CCDC61: variants seen among roughly 807,000 people sequenced by gnomAD.
CCDC61 encodes the protein centrosomal protein CCDC61.
In CCDC61, 55 loss-of-function variants were observed where a neutral mutation model predicts 63.0. The observed-to-expected ratio is 0.87, with a 90% CI of 0.70 to 1.09. The LOEUF (loss-of-function observed/expected upper bound fraction) is 1.09, where lower values mean the gene tolerates loss of function less well. Ranked by LOEUF, CCDC61 falls within the 50% of genes least tolerant of loss-of-function variation. CCDC61 has a pLI of 0.00. For missense variants in CCDC61, 651 were observed against 731.4 expected (o/e 0.89, Z 1.27); for synonymous variants, 270 against 317.0 (o/e 0.85, Z 1.58).
intron 3 of CCDC61, 34 bp from the exon 4 acceptor site, chr19:46,006,525 T>C (rs771571048): frequency 2.1e-6 from 3 of 1,446,890 alleles, no homozygotes; most frequent in African/African-American, 2.8e-5. Flanking sequence ...CAGTGGCGGG[T>C]GCTGTGGCAG....
At chr19:46,010,661 TAAG>T (rs921153425) in intron 5 of CCDC61, among the ~76,000 whole-genome samples, 17 of 152,324 alleles carry the variant, frequency 1.1e-4, no homozygotes, top group African/African-American at 4.1e-4. Context: ...CCACGGATTT[TAAG>T]AAGGATTTAT....
intron 5 of CCDC61, among the ~76,000 whole-genome samples, chr19:46,014,491 A>T (rs1316630231): frequency 6.6e-6 from 1 of 152,220 alleles, no homozygotes; most frequent in Non-Finnish European, 1.5e-5. Context: ...GAGTAGATGT[A>T]TTAGAAATTC....
intron 3 of CCDC61, 57 bp downstream of exon 3, chr19:46,003,558 G>A (rs1296455804): frequency 7.6e-7 from 1 of 1,312,532 alleles, no homozygotes; most frequent in African/African-American, 1.5e-5. Flanking sequence ...CCAGGTTCCA[G>A]GGGGGTTGAT....
At chr19:46,009,767 G>A (rs1055666273) in intron 5 of CCDC61, among the ~76,000 whole-genome samples, 1 of 152,142 alleles carries the variant, frequency 6.6e-6, no homozygotes, top group African/African-American at 2.4e-5. Context: ...CCGCAGTGGG[G>A]AGGCCAAAAT....
intron 12 of CCDC61, among the ~76,000 whole-genome samples, chr19:46,017,623 C>G (rs539570627): frequency 6.6e-6 from 1 of 152,228 alleles, no homozygotes; most frequent in Admixed American, 6.5e-5. Flanking sequence ...TGGTCTGGAA[C>G]TCCTGGCCTC....
At chr19:46,002,964 G>A in intron 1 of CCDC61, 44 bp from the exon 2 acceptor site, 2 of 1,546,172 alleles carry the variant, frequency 1.3e-6, no homozygotes, top group Non-Finnish European at 8.8e-7. Context: ...TCATGAGCCT[G>A]GGCTCTGAGC....
intron 3 of CCDC61, among the ~76,000 whole-genome samples, chr19:46,003,820 CGTGTGTGTGTGTGTGTGTGTGTGT>C (rs55945123): frequency 3.5e-5 from 5 of 143,906 alleles, no homozygotes; most frequent in Admixed American, 2.1e-4. Flanking sequence ...TTTCCAAATA[CGTGTGTGTGTGTGTGTGTGTGTGT>C]GTGTGTGTGT....
At chr19:45,999,799 A>G (rs548717186) in intron 1 of CCDC61, among the ~76,000 whole-genome samples, 196 of 152,204 alleles carry the variant, frequency 1.3e-3, no homozygotes, top group African/African-American at 4.5e-3. Context: ...TGCCAGCGCC[A>G]TGATGTCATG....
intron 5 of CCDC61, among the ~76,000 whole-genome samples, chr19:46,010,620 A>G (rs1968810338): frequency 1.3e-5 from 2 of 152,254 alleles, no homozygotes; most frequent in African/African-American, 2.4e-5. Flanking sequence ...CTGAATAGAA[A>G]GGAAAGCTCC....
At chr19:46,009,049 T>A (rs1968773617) in intron 5 of CCDC61, among the ~76,000 whole-genome samples, 1 of 152,080 alleles carries the variant, frequency 6.6e-6, no homozygotes, top group African/African-American at 2.4e-5. Flanking sequence ...CTTGAGTATA[T>A]CATTACAGAT....
At position 46,017,290 on chromosome 19, in the gene CCDC61, A is replaced by G; in HGVS notation, c.1354A>G (p.Ser452Gly). ...RGKPPSPTPW[S>G]GSNMKSPPVE... ...GAAGCCTCCCAGCCCAACGCCCTGG[A>G]GTGGGTCCAATATGGTGAGTAGAAG... Residue 452 changes from serine (S) to glycine (G), a missense_variant, in exon 12 of 14, where the codon AGT becomes GGT. Ser to Gly is a moderately conservative substitution (Grantham distance 56). Transcript: ENST00000595358. 1 of 1,563,696 alleles carries G rather than the reference A, an allele frequency of 6.4e-7. No individual in the cohort carries two copies. Among genetic ancestry groups the G allele is most frequent in the East Asian group, 2.4e-5 (1 of 42,026 alleles).
At chr19:46,014,057 A>C (rs1968878656) in intron 5 of CCDC61, among the ~76,000 whole-genome samples, 1 of 152,066 alleles carries the variant, frequency 6.6e-6, no homozygotes. Context: ...TTAATTAATT[A>C]ATTTGTATAA....
At chr19:46,004,084 G>A (rs564844953) in intron 3 of CCDC61, among the ~76,000 whole-genome samples, 1 of 151,756 alleles carries the variant, frequency 6.6e-6, no homozygotes, top group African/African-American at 2.4e-5. Context: ...GATTACAGGC[G>A]CACGCCACCA....
intron 5 of CCDC61, among the ~76,000 whole-genome samples, chr19:46,012,269 A>G (rs1216248820): frequency 1.3e-5 from 2 of 152,232 alleles, no homozygotes; most frequent in Non-Finnish European, 2.9e-5. Flanking sequence ...TGTGAAAAAT[A>G]ATATACTCCA....
rs1968927913 is a variant in CCDC61, at chr19:46,016,138, C to G, written c.930C>G (p.Arg310=). 9.6e-6 allele frequency: 12 copies of G among 1,244,506 alleles called. No homozygotes were observed. The East Asian group carries it at 3.8e-4, about 39-fold the overall frequency. 77.1% of individuals were successfully genotyped at this position (1,244,506 alleles called of 1,614,324 possible). ...GGGAGCGCTCCGCGTCGCGAGGCCG[C>G]GGCGCCGCGCGCTCCTCATCCCGGG... is the stretch of plus-strand genomic sequence containing the variant. The part of the protein sequence containing the change: ...SSRERSASRG[R]GAARSSSRES... Residue 310 remains arginine (R), a synonymous_variant, in exon 8 of 14, where the codon CGC becomes CGG. Coordinates refer to ENST00000595358, the MANE Select transcript of CCDC61 (RefSeq NM_001267723.2). The surrounding 1 kb of genome is among the most constrained non-coding windows in gnomAD (Gnocchi z 7.2).
chr19:46,010,583 G>A (rs1212076253), intron 5 of CCDC61, among the ~76,000 whole-genome samples: 1 of 152,232 alleles, frequency 6.6e-6, no homozygotes, highest in Non-Finnish European at 1.5e-5. Flanking sequence ...CAGGAGGAGA[G>A]GAGGGGAGAA....
chr19:45,997,805 G>T (rs1968521843), intron 1 of CCDC61, among the ~76,000 whole-genome samples: 1 of 152,076 alleles, frequency 6.6e-6, no homozygotes, highest in Admixed American at 6.6e-5. Flanking sequence ...TCCTGTTTCA[G>T]CCTCCCAAGT....
intron 1 of CCDC61, among the ~76,000 whole-genome samples, chr19:45,996,852 C>T (rs572276376): frequency 6.6e-6 from 1 of 152,206 alleles, no homozygotes; most frequent in Non-Finnish European, 1.5e-5. Context: ...CCTGCTCTTA[C>T]CTGGTTTGTT....
At position 46,010,203 on chromosome 19, in the gene CCDC61, G is replaced by A. The variant is rs1968802557; in HGVS notation, c.551+1902G>A. Among the ~76,000 whole-genome samples, 4 of 152,214 alleles carry A rather than the reference G, an allele frequency of 2.6e-5. No homozygotes were observed. The South Asian group carries it at 8.3e-4, about 31-fold the overall frequency. On this transcript the variant is annotated intron_variant, in intron 5 of 13. Transcript: ENST00000595358. ...CTTATTATCGTCCCTCTTCACAGATGAGAAAAGATGGCCTGAGGCTCAGAG... is the reference window on the plus strand; with the variant it reads ...CTTATTATCGTCCCTCTTCACAGATAAGAAAAGATGGCCTGAGGCTCAGAG...
Sources: allele counts gnomAD v4.1 joint callset (sites outside exome capture counted in the v4.1 genomes callset), GRCh38; gene constraint gnomAD v4.1.1; non-coding constraint Gnocchi (gnomAD v3.1); transcripts MANE v1.5; gene names NCBI Gene and HGNC (gene_info 2026-07-23, HGNC 2026-07-21).